FOXN3: variants seen among roughly 807,000 people sequenced by gnomAD.
The protein encoded by FOXN3 is forkhead box protein N3.
Under a neutral mutation model 38.4 loss-of-function variants are expected in FOXN3, and 7 were observed. The observed-to-expected ratio is 0.18, with a 90% confidence interval of 0.10 to 0.34. The LOEUF is 0.34. Ranked by LOEUF, FOXN3 falls within the 10% of genes least tolerant of loss-of-function variation. FOXN3 has a pLI of 1.00. For missense variants in FOXN3, 456 were observed against 613.4 expected, an observed-to-expected ratio of 0.74 and a Z score of 2.71; for synonymous variants, 230 against 242.2, an observed-to-expected ratio of 0.95 and a Z score of 0.47.
chr14:89,280,866 C>A (rs1886437519), intron 4 of FOXN3, 84 bp downstream of exon 4: 1 of 1,212,436 alleles, frequency 8.2e-7, no homozygotes, highest in African/African-American at 1.5e-5. Context: ...ACAGAACTGT[C>A]CTATTTGACA....
chr14:89,570,256 C>T (rs1895463959), intron 1 of FOXN3, among the ~76,000 whole-genome samples: 1 of 152,198 alleles, frequency 6.6e-6, no homozygotes, highest in Admixed American at 6.5e-5. Flanking sequence ...GCCTCAGCCT[C>T]CCAAAGCGCT....
intron 4 of FOXN3, among the ~76,000 whole-genome samples, chr14:89,212,662 C>T (rs1271507758): frequency 6.6e-6 from 1 of 152,194 alleles, no homozygotes; most frequent in African/African-American, 2.4e-5. Context: ...CTGGGTCCCC[C>T]TCCTTTGGCC....
At chr14:89,565,093 CAAAAA>C (rs59821937) in intron 1 of FOXN3, among the ~76,000 whole-genome samples, 1 of 52,898 alleles carries the variant, frequency 1.9e-5, no homozygotes, top group African/African-American at 7.2e-5. Context: ...GAGCTCGTCT[CAAAAA>C]AAAAAAAAAA....
At chr14:89,230,865 T>A in intron 4 of FOXN3, 1 of 455,996 alleles carries the variant, frequency 2.2e-6, no homozygotes, top group Non-Finnish European at 4.4e-6. Context: ...GGTTTTCATT[T>A]TTCTGTTGAA....
In FOXN3 at chr14:89,542,456, G is replaced by A. The variant is rs544991575; in HGVS notation, c.-15+76572C>T. On this transcript the variant is annotated intron_variant, in intron 1 of 6. Coordinates refer to the FOXN3 transcript ENST00000345097. ...GCTCAAAATGGAGTCACTCTGGTTC[G>A]AACGCCTCTGACAGACTTTTCACAA... is the stretch of plus-strand genomic sequence containing the variant. Among the ~76,000 whole-genome samples, 8 of 152,264 alleles carry A rather than the reference G, an allele frequency of 5.3e-5. No homozygotes were observed. In the East Asian group the frequency reaches 5.8e-4, roughly 11 times the overall value.
intron 4 of FOXN3, among the ~76,000 whole-genome samples, chr14:89,269,114 A>G (rs1362350265): frequency 6.6e-6 from 1 of 152,206 alleles, no homozygotes; most frequent in Admixed American, 6.5e-5. Context: ...CGTTGGGAGC[A>G]TCTCTACTGG....
At chr14:89,534,981 G>A (rs1246139303) in intron 1 of FOXN3, among the ~76,000 whole-genome samples, 1 of 152,180 alleles carries the variant, frequency 6.6e-6, no homozygotes, top group African/African-American at 2.4e-5. Flanking sequence ...TATATTTTGT[G>A]CAAGGCTCTT....
intron 2 of FOXN3, among the ~76,000 whole-genome samples, chr14:89,368,130 AC>A (rs1890210010): frequency 6.6e-6 from 1 of 151,668 alleles, no homozygotes; most frequent in Admixed American, 6.6e-5. Flanking sequence ...GGAGTTCGAG[AC>A]CAGCCTGACC....
intron 1 of FOXN3, among the ~76,000 whole-genome samples, chr14:89,530,619 TA>T (rs1386523172): frequency 6.6e-6 from 1 of 151,976 alleles, no homozygotes; most frequent in Non-Finnish European, 1.5e-5. Context: ...TATTTTATTT[TA>T]TTTTTTTGAG....
chr14:89,261,519 G>A (rs1245076468), intron 4 of FOXN3, among the ~76,000 whole-genome samples: 2 of 152,112 alleles, frequency 1.3e-5, no homozygotes, highest in African/African-American at 4.8e-5. Context: ...GAGGGCCGGC[G>A]GCAGTGACTC....
chr14:89,565,379 G>A (rs1895329631), intron 1 of FOXN3, among the ~76,000 whole-genome samples: 1 of 152,070 alleles, frequency 6.6e-6, no homozygotes, highest in African/African-American at 2.4e-5. Context: ...TGGCACTTTT[G>A]TTATGGCAAC....
chr14:89,301,070 T>TCACAA (rs1354215758), intron 3 of FOXN3, among the ~76,000 whole-genome samples: 5 of 152,188 alleles, frequency 3.3e-5, no homozygotes, highest in Non-Finnish European at 5.9e-5. Flanking sequence ...CACAAAGTGC[T>TCACAA]AGGATTACAG....
chr14:89,180,590 G>T, intron 5 of FOXN3, 111 bp downstream of exon 5: 2 of 674,992 alleles, frequency 3.0e-6, no homozygotes, highest in South Asian at 2.8e-5. Flanking sequence ...CAGGTTTATT[G>T]CTGTCACTAG....
intron 4 of FOXN3, among the ~76,000 whole-genome samples, chr14:89,223,894 A>G (rs1279556291): frequency 6.6e-6 from 1 of 152,258 alleles, no homozygotes; most frequent in Non-Finnish European, 1.5e-5. Context: ...ATCAATGCAG[A>G]TCAACATATC....
chr14:89,533,824 C>T (rs1047704602), intron 1 of FOXN3, among the ~76,000 whole-genome samples: 2 of 151,946 alleles, frequency 1.3e-5, no homozygotes, highest in African/African-American at 4.8e-5. Context: ...AGAAAAGCTC[C>T]CACTTAAGTT....
At chr14:89,299,308 G>C (rs1185150544) in intron 3 of FOXN3, among the ~76,000 whole-genome samples, 1 of 152,174 alleles carries the variant, frequency 6.6e-6, no homozygotes, top group Non-Finnish European at 1.5e-5. Context: ...TTTATAAATG[G>C]GAGTTCCCCT....
chr14:89,309,016 G>A (rs1444415355), intron 3 of FOXN3, among the ~76,000 whole-genome samples: 1 of 152,176 alleles, frequency 6.6e-6, no homozygotes, highest in African/African-American at 2.4e-5. Flanking sequence ...GTGGTCTGGG[G>A]CCTGTGTATG....
At chr14:89,439,298 G>C (rs1416837204) in intron 1 of FOXN3, among the ~76,000 whole-genome samples, 2 of 152,156 alleles carry the variant, frequency 1.3e-5, no homozygotes, top group East Asian at 3.9e-4. Context: ...ATACTGAGCG[G>C]CATTCCCAGA....
chr14:89,308,325 C>T (rs1041861820), intron 3 of FOXN3, among the ~76,000 whole-genome samples: 1 of 152,176 alleles, frequency 6.6e-6, no homozygotes, highest in Non-Finnish European at 1.5e-5. Flanking sequence ...ATATTTCTGT[C>T]CCTAATCCTG....
Sources: gnomAD v4.1 joint callset for allele counts (sites outside exome capture counted in the v4.1 genomes callset) on GRCh38, gnomAD v4.1.1 for gene constraint, MANE v1.5 for transcripts, NCBI Gene and HGNC (gene_info 2026-07-23, HGNC 2026-07-21) for gene names.